SLC25A21: variants seen among roughly 807,000 people sequenced by gnomAD.
SLC25A21 encodes mitochondrial 2-oxodicarboxylate carrier.
A neutral mutation model predicts 43.8 loss-of-function variants in SLC25A21; 47 were observed. The ratio of observed to expected loss-of-function variants is 1.07; its 90% confidence interval spans 0.85 to 1.37. The LOEUF (loss-of-function observed/expected upper bound fraction) is 1.37. SLC25A21 is among the 40% of genes most tolerant of loss of function. The pLI is 0.00. For synonymous variants in SLC25A21, 131 were observed against 121.3 expected (o/e 1.08, Z -0.52); for missense variants, 352 against 350.2 (o/e 1.00, Z -0.04).
intron 1 of SLC25A21, among the ~76,000 whole-genome samples, chr14:36,900,891 G>A (rs1381378382): frequency 6.6e-6 from 1 of 152,066 alleles, no homozygotes; most frequent in Admixed American, 6.6e-5. Flanking sequence ...TTCCTGGAAG[G>A]GCAAATAGAG....
At chr14:37,018,725 A>G (rs1401998458) in intron 1 of SLC25A21, among the ~76,000 whole-genome samples, 1 of 151,952 alleles carries the variant, frequency 6.6e-6, no homozygotes, top group Non-Finnish European at 1.5e-5. Flanking sequence ...AATTTGGAGC[A>G]CATCCCTTCA....
chr14:36,718,203 T>G (rs1884227394), intron 6 of SLC25A21, among the ~76,000 whole-genome samples: 1 of 152,200 alleles, frequency 6.6e-6, no homozygotes, highest in African/African-American at 2.4e-5. Flanking sequence ...CACAGTTGAA[T>G]GGAAGACAAG....
At chr14:37,005,783 T>C (rs994128086) in intron 1 of SLC25A21, among the ~76,000 whole-genome samples, 1 of 152,108 alleles carries the variant, frequency 6.6e-6, no homozygotes, top group Admixed American at 6.5e-5. Flanking sequence ...ACACACAAAA[T>C]GGAAAGAACT....
At chr14:36,709,161 T>C (rs766795880) in intron 7 of SLC25A21, among the ~76,000 whole-genome samples, 2 of 152,074 alleles carry the variant, frequency 1.3e-5, no homozygotes, top group Non-Finnish European at 2.9e-5. Flanking sequence ...GCATGTGCCA[T>C]GATGCCCAGC....
intron 1 of SLC25A21, among the ~76,000 whole-genome samples, chr14:36,974,599 C>G (rs1959826431): frequency 6.6e-6 from 1 of 152,072 alleles, no homozygotes; most frequent in Non-Finnish European, 1.5e-5. Flanking sequence ...TATAAACAGA[C>G]ATCAGTAGTT....
intron 2 of SLC25A21, among the ~76,000 whole-genome samples, chr14:36,859,815 C>T (rs1312877920): frequency 6.6e-6 from 1 of 152,132 alleles, no homozygotes; most frequent in East Asian, 1.9e-4. Context: ...TGAAACCTGG[C>T]TCATGATAGT....
In SLC25A21 at chr14:37,144,924, G is replaced by GGTTGTTGTT. The variant is rs35217998; in HGVS notation, c.70+27348_70+27356dup. ...CTGTGATTACACGCCCAGCCTGGGT[G>GGTTGTTGTT]GTTGTTGTTGTTGTTGTTGTTGTTG... On this transcript the variant is annotated intron_variant, in intron 1 of 9. Transcript: ENST00000331299. Among the ~76,000 whole-genome samples the GGTTGTTGTT allele has an allele frequency of 1.0e-4, 15 of 150,456 alleles. No individual in the cohort carries two copies. The East Asian group carries it at 1.6e-3, about 16-fold the overall frequency.
intron 1 of SLC25A21, among the ~76,000 whole-genome samples, chr14:37,105,625 A>C (rs1333525546): frequency 1.3e-5 from 2 of 152,216 alleles, no homozygotes; most frequent in Non-Finnish European, 2.9e-5. Context: ...TCCATTCCAA[A>C]AGGTGAAAGC....
intron 1 of SLC25A21, among the ~76,000 whole-genome samples, chr14:37,041,656 G>A (rs1961474900): frequency 6.6e-6 from 1 of 152,156 alleles, no homozygotes; most frequent in Admixed American, 6.5e-5. Context: ...GCCTCTAGTT[G>A]CAAATATAGT....
At chr14:36,981,009 A>G (rs1205390163) in intron 1 of SLC25A21, among the ~76,000 whole-genome samples, 2 of 152,154 alleles carry the variant, frequency 1.3e-5, no homozygotes, top group Admixed American at 6.5e-5. Flanking sequence ...AAACAAACCC[A>G]TCAAAAAGTG....
chr14:36,976,636 C>T (rs933873273), intron 1 of SLC25A21, among the ~76,000 whole-genome samples: 2 of 152,150 alleles, frequency 1.3e-5, no homozygotes, highest in Non-Finnish European at 2.9e-5. Flanking sequence ...GTACCAGGAG[C>T]TCCAAGAGGA....
At chr14:36,714,448 T>A (rs1281620192) in intron 6 of SLC25A21, among the ~76,000 whole-genome samples, 1 of 152,192 alleles carries the variant, frequency 6.6e-6, no homozygotes, top group Non-Finnish European at 1.5e-5. Flanking sequence ...GGAGCTTTCC[T>A]CTCTGGAGCA....
chr14:37,136,696 C>G (rs562685172), intron 1 of SLC25A21, among the ~76,000 whole-genome samples: 25 of 149,542 alleles, frequency 1.7e-4, no homozygotes, highest in Non-Finnish European at 3.3e-4. Flanking sequence ...TATACTATAA[C>G]TTATACATGG....
At chr14:36,936,413 C>A (rs1892425402) in intron 1 of SLC25A21, among the ~76,000 whole-genome samples, 1 of 151,946 alleles carries the variant, frequency 6.6e-6, no homozygotes, top group African/African-American at 2.4e-5. Context: ...TCTGTGTTGT[C>A]CAAGAGAGAT....
chr14:36,748,137 A>T (rs1434118145), intron 3 of SLC25A21, among the ~76,000 whole-genome samples: 1 of 152,340 alleles, frequency 6.6e-6, no homozygotes, highest in South Asian at 2.1e-4. Flanking sequence ...TTGACTCCAA[A>T]ACCTCAGCTC....
chr14:36,707,271 G>C (rs746805015), intron 7 of SLC25A21, among the ~76,000 whole-genome samples: 1 of 152,072 alleles, frequency 6.6e-6, no homozygotes, highest in Non-Finnish European at 1.5e-5. Context: ...TCTCCTTTAC[G>C]CTCCTAAATG....
chr14:36,726,875 C>T (rs1457668382), intron 5 of SLC25A21, among the ~76,000 whole-genome samples: 3 of 152,074 alleles, frequency 2.0e-5, no homozygotes, highest in Non-Finnish European at 4.4e-5. Context: ...TGTTAATGGG[C>T]TCTAATATCT....
At chr14:37,120,484 A>C (rs1019063495) in intron 1 of SLC25A21, among the ~76,000 whole-genome samples, 1 of 152,196 alleles carries the variant, frequency 6.6e-6, no homozygotes, top group East Asian at 1.9e-4. Context: ...TGGTGACTTT[A>C]AGTCCTTTCT....
intron 1 of SLC25A21, among the ~76,000 whole-genome samples, chr14:36,898,340 A>G (rs1043190599): frequency 3.3e-5 from 5 of 152,206 alleles, no homozygotes; most frequent in Non-Finnish European, 5.9e-5. Context: ...ATCCAGGCAC[A>G]GGATATAATC....
Sources: allele counts gnomAD v4.1 joint callset (sites outside exome capture counted in the v4.1 genomes callset), GRCh38; gene constraint gnomAD v4.1.1; transcripts MANE v1.5; gene names NCBI Gene and HGNC (gene_info 2026-07-23, HGNC 2026-07-21).